The following KCTD7 variants were observed in gnomAD, a reference collection of about 807,000 sequenced individuals.
KCTD7 encodes potassium channel tetramerization domain containing 7.
Under a neutral mutation model 27.0 loss-of-function variants are expected in KCTD7, and 15 were observed. The ratio of observed to expected loss-of-function variants is 0.56; its 90% CI spans 0.37 to 0.86. The LOEUF (loss-of-function observed/expected upper bound fraction) is 0.86. Ranked by LOEUF, KCTD7 falls within the 40% of genes least tolerant of loss-of-function variation. The pLI is 0.00. For missense variants in KCTD7, 299 were observed against 398.9 expected (o/e 0.75, Z 2.13); for synonymous variants, 159 against 162.7 (o/e 0.98, Z 0.17).
chr7:66,631,589 C>G (rs913914785), intron 1 of KCTD7, among the ~76,000 whole-genome samples: 10 of 149,404 alleles, frequency 6.7e-5, no homozygotes, highest in African/African-American at 2.5e-4. Flanking sequence ...AAAAAAGATG[C>G]ATAGGGATAC....
intron 1 of KCTD7, among the ~76,000 whole-genome samples, chr7:66,632,513 G>A (rs945142275): frequency 6.6e-6 from 1 of 151,588 alleles, no homozygotes; most frequent in Non-Finnish European, 1.5e-5. Flanking sequence ...AAAGAAAAAG[G>A]GCACATAGCA....
At chr7:66,629,427 C>T (rs1296820080) in intron 1 of KCTD7, among the ~76,000 whole-genome samples, 2 of 151,872 alleles carry the variant, frequency 1.3e-5, no homozygotes, top group Non-Finnish European at 2.9e-5. Flanking sequence ...GTGTGCTTCC[C>T]CACCCCCTAC....
intron 2 of KCTD7, among the ~76,000 whole-genome samples, chr7:66,637,548 A>G (rs562528794): frequency 6.6e-6 from 1 of 152,112 alleles, no homozygotes; most frequent in African/African-American, 2.4e-5. Context: ...AAACAAAAAA[A>G]CAAACTACTG....
intron 1 of KCTD7, among the ~76,000 whole-genome samples, chr7:66,630,297 G>A (rs1327901292): frequency 6.6e-6 from 1 of 152,100 alleles, no homozygotes; most frequent in African/African-American, 2.4e-5. Flanking sequence ...AAAAGCAAGA[G>A]AAGGGAAACG....
intron 1 of KCTD7, among the ~76,000 whole-genome samples, chr7:66,630,815 C>A (rs920009500): frequency 6.6e-6 from 1 of 152,204 alleles, no homozygotes; most frequent in Non-Finnish European, 1.5e-5. Flanking sequence ...CAGTTCCCCC[C>A]ACTGATGACA....
In KCTD7 at chr7:66,640,351, C is replaced by A; in HGVS notation, c.*1119C>A. ...TCACTTCTTTATATTTTGTTTTACT[C>A]CTCACTCCTGTATATTTTGGTTTAC... On this transcript the variant is annotated 3_prime_UTR_variant, in exon 4 of 4. Transcript: ENST00000639828. 1 of 1,536,544 alleles carries A rather than the reference C, an allele frequency of 6.5e-7. No homozygotes were observed. Among genetic ancestry groups the A allele is most frequent in the South Asian group, 1.2e-5 (1 of 83,940 alleles).
At chr7:66,631,804 G>T (rs1786449543) in intron 1 of KCTD7, among the ~76,000 whole-genome samples, 1 of 152,058 alleles carries the variant, frequency 6.6e-6, no homozygotes, top group Non-Finnish European at 1.5e-5. Context: ...CTTACCTCCA[G>T]AACCTTAGCT....
Position 66,630,793 on chromosome 7 carries a change from G to C in KCTD7, c.144+1585G>C, listed in dbSNP as rs57116165. 1.7e-3 allele frequency among the ~76,000 whole-genome samples: 256 copies of C among 152,054 alleles called. 1 individual carries two copies. The highest frequency in any genetic ancestry group is 6.0e-3 in the African/African-American group (249 of 41,460). ...GCACAAGACCACAGATTGCAGACCA[G>C]GGCCCCACCACCAGTTCCCCCCACT... is the stretch of plus-strand genomic sequence containing the variant. On this transcript the variant is annotated intron_variant, in intron 1 of 3. Coordinates refer to ENST00000639828, the MANE Select transcript of KCTD7 (RefSeq NM_153033.5).
At chr7:66,643,141 TGTG>T (rs1263640718), downstream of KCTD7, 2 of 969,786 alleles carry the variant, frequency 2.1e-6, no homozygotes, top group Admixed American at 1.4e-4. Flanking sequence ...CTGCTTAAAA[TGTG>T]GTGTGTTTGG....
At chr7:66,632,084 G>A (rs1786459788) in intron 1 of KCTD7, among the ~76,000 whole-genome samples, 1 of 152,238 alleles carries the variant, frequency 6.6e-6, no homozygotes, top group Non-Finnish European at 1.5e-5. Context: ...CTAGGGGCAG[G>A]TGAGGGACAG....
intron 2 of KCTD7, among the ~76,000 whole-genome samples, chr7:66,634,387 G>A (rs1786538415): frequency 6.6e-6 from 1 of 151,578 alleles, no homozygotes; most frequent in Admixed American, 6.6e-5. Flanking sequence ...TTTGGAGATA[G>A]GGTCTTGCTA....
Position 66,640,141 on chromosome 7 carries a change from C to T in KCTD7, c.*909C>T. On this transcript the variant is annotated 3_prime_UTR_variant, in exon 4 of 4. Coordinates refer to ENST00000639828, the MANE Select transcript of KCTD7 (RefSeq NM_153033.5). ...TTAGAATCCAGTTTGTGGTGAACCT[C>T]TTTGGAAGGGGACCCCCTCTCTTTA... The T allele has an allele frequency of 7.4e-7, 1 of 1,358,984 alleles. No individual in the cohort carries two copies. 84.2% of individuals were successfully genotyped at this position (1,358,984 alleles called of 1,614,324 possible).
In KCTD7 at chr7:66,642,701, C is replaced by G. The variant is rs2116781741; in HGVS notation, c.*3469C>G. 1 of 985,312 alleles carries G rather than the reference C, an allele frequency of 1.0e-6. No individual in the cohort carries two copies. The highest frequency in any genetic ancestry group is 1.1e-4 in the East Asian group (1 of 8,812). The allele number at this position is 985,312 out of a possible 1,614,324, so 61.0% of individuals were successfully genotyped here. A position where few individuals can be genotyped will look rare whatever the true frequency, so the allele number is the denominator to read the frequency against. ...GTGAAGGTGGTACCTGTCTCATGAT[C>G]CTTAAAAGAGAGAGGCTTTTTTCAT... On this transcript the variant is annotated 3_prime_UTR_variant, in exon 4 of 4. Coordinates refer to ENST00000639828, the MANE Select transcript of KCTD7 (RefSeq NM_153033.5).
chr7:66,635,754 A>C (rs1194849928), intron 2 of KCTD7, among the ~76,000 whole-genome samples: 1 of 149,312 alleles, frequency 6.7e-6, no homozygotes, highest in Non-Finnish European at 1.5e-5. Flanking sequence ...AGCTGCCTCC[A>C]ATGCTGAGAA....
chr7:66,632,892 A>G (rs1170560599), intron 1 of KCTD7, among the ~76,000 whole-genome samples: 2 of 150,550 alleles, frequency 1.3e-5, no homozygotes, highest in Non-Finnish European at 3.0e-5. Flanking sequence ...AAAAATATAT[A>G]TATATATACA....
At position 66,638,255 on chromosome 7, in the gene KCTD7, A is replaced by G; in HGVS notation, c.317A>G (p.Asp106Gly). ...GACCCTCTTTCCTTCCTGCTTAGAGATGTGCTGAATTTCCTGCGCTCAGGG... is the reference window on the plus strand; with the variant it reads ...GACCCTCTTTCCTTCCTGCTTAGAGGTGTGCTGAATTTCCTGCGCTCAGGG... ...FIDRDGTHFG[D>G]VLNFLRSGDL... The change falls in exon 3 of 4, where the codon GAT (aspartate) becomes GGT (glycine). Residue 106 changes from aspartate to glycine, a missense_variant and splice_region_variant. Coordinates refer to ENST00000639828, the MANE Select transcript of KCTD7 (RefSeq NM_153033.5). 1 of 1,614,062 alleles carries G rather than the reference A, an allele frequency of 6.2e-7. No homozygotes were observed. Among genetic ancestry groups the G allele is most frequent in the Non-Finnish European group, 8.5e-7 (1 of 1,180,006 alleles).
intron 2 of KCTD7, among the ~76,000 whole-genome samples, chr7:66,634,848 T>C (rs1483713864): frequency 1.3e-5 from 2 of 151,414 alleles, no homozygotes; most frequent in Non-Finnish European, 2.9e-5. Context: ...AAAAACACAA[T>C]GTCAACAACA....
chr7:66,636,069 G>A (rs1786577723), intron 2 of KCTD7, among the ~76,000 whole-genome samples: 1 of 152,236 alleles, frequency 6.6e-6, no homozygotes, highest in African/African-American at 2.4e-5. Flanking sequence ...TTTGGCTGAT[G>A]AGCTCCTGTG....
At chr7:66,631,096 G>T (rs1562940775) in intron 1 of KCTD7, among the ~76,000 whole-genome samples, 1 of 152,218 alleles carries the variant, frequency 6.6e-6, no homozygotes, top group Non-Finnish European at 1.5e-5. Flanking sequence ...TACACACACG[G>T]AAGTGTAACT....
Sources: gnomAD v4.1 joint callset for allele counts (sites outside exome capture counted in the v4.1 genomes callset) on GRCh38, gnomAD v4.1.1 for gene constraint, MANE v1.5 for transcripts, NCBI Gene and HGNC (gene_info 2026-07-23, HGNC 2026-07-21) for gene names.